Variants in FAT3 observed in about 807,000 individuals in gnomAD.
FAT3 encodes the protein FAT atypical cadherin 3, also known as protocadherin Fat 3.
A neutral mutation model predicts 310.2 loss-of-function variants in FAT3; 95 were observed. That is an observed-to-expected ratio of 0.31 (90% CI 0.26 to 0.36). The LOEUF (loss-of-function observed/expected upper bound fraction) is 0.36, where lower values mean the gene tolerates loss of function less well. FAT3 is among the 10% of genes least tolerant of loss of function. FAT3 has a pLI of 1.00. For missense variants in FAT3, 5,408 were observed against 5,715.6 expected (o/e 0.95, Z 1.74); for synonymous variants, 2,314 against 2,192.9 (o/e 1.06, Z -1.54).
In FAT3 at chr11:92,524,819, A is replaced by G. The variant is rs1953802592; in HGVS notation, c.3478A>G (p.Asn1160Asp). The G allele has an allele frequency of 6.2e-7, 1 of 1,613,698 alleles. No homozygotes were observed. Residue 1160 changes from asparagine to aspartate, a missense_variant, in exon 3 of 28, where the codon AAC becomes GAC. Physicochemically the swap from Asn to Asp is conservative, Grantham distance 23. This residue lies in a region of FAT3 where 4,588 missense variants were observed against 4,809.8 expected (regional missense o/e 0.95). Coordinates refer to ENST00000525166, the MANE Select transcript of FAT3 (RefSeq NM_001367949.2). ...EPIYYPVVME[N>D]SPKDVSVIQI... Reference sequence around the variant, plus strand: ...TATATATTATCCTGTTGTCATGGAAAACTCTCCAAAGGACGTATCTGTCAT... The same window carrying G: ...TATATATTATCCTGTTGTCATGGAAGACTCTCCAAAGGACGTATCTGTCAT...
At chr11:92,381,749 C>T (rs896721763) in intron 2 of FAT3, among the ~76,000 whole-genome samples, 4 of 151,934 alleles carry the variant, frequency 2.6e-5, no homozygotes, top group African/African-American at 9.7e-5. Flanking sequence ...ATTATATTAA[C>T]AGTCCAGGAA....
intron 2 of FAT3, among the ~76,000 whole-genome samples, chr11:92,432,136 A>AATCC (rs1950799455): frequency 6.6e-6 from 1 of 152,120 alleles, no homozygotes; most frequent in Non-Finnish European, 1.5e-5. Flanking sequence ...ATGAGCATGG[A>AATCC]ATGTTCTTCC....
chr11:92,597,140 T>C (rs1247169603), intron 3 of FAT3, among the ~76,000 whole-genome samples: 1 of 152,238 alleles, frequency 6.6e-6, no homozygotes, highest in African/African-American at 2.4e-5. Context: ...GGTCATATTC[T>C]GGTTGGAAAC....
At chr11:92,433,375 G>A (rs970700999) in intron 2 of FAT3, among the ~76,000 whole-genome samples, 6 of 152,168 alleles carry the variant, frequency 3.9e-5, no homozygotes, top group African/African-American at 1.4e-4. Flanking sequence ...GGCACCCAAG[G>A]GAACCTCCTG....
chr11:92,548,610 A>G (rs1408035952), intron 3 of FAT3, among the ~76,000 whole-genome samples: 4 of 152,194 alleles, frequency 2.6e-5, no homozygotes, highest in African/African-American at 9.7e-5. Flanking sequence ...GCATTTTGTA[A>G]TTTTAAAAAT....
At chr11:92,686,050 A>G (rs970763574) in intron 3 of FAT3, among the ~76,000 whole-genome samples, 6 of 152,188 alleles carry the variant, frequency 3.9e-5, no homozygotes, top group African/African-American at 1.4e-4. Context: ...TTACAGAGGA[A>G]GAAACTGAGG....
intron 1 of FAT3, among the ~76,000 whole-genome samples, chr11:92,249,971 G>T (rs561518011): frequency 4.8e-4 from 73 of 152,188 alleles, no homozygotes; most frequent in Middle Eastern, 3.4e-3. Context: ...GTCATAAAGT[G>T]CTTCCCTGTG....
intron 19 of FAT3, among the ~76,000 whole-genome samples, chr11:92,854,914 T>C (rs929450876): frequency 6.6e-6 from 1 of 152,232 alleles, no homozygotes; most frequent in Non-Finnish European, 1.5e-5. Flanking sequence ...GGAAAGGGCA[T>C]GTCCACAGAA....
chr11:92,818,570 G>A (rs1470980914), intron 13 of FAT3, among the ~76,000 whole-genome samples: 1 of 152,092 alleles, frequency 6.6e-6, no homozygotes, highest in African/African-American at 2.4e-5. Context: ...CAGGTCACAG[G>A]GATATCCCCA....
intron 1 of FAT3, among the ~76,000 whole-genome samples, chr11:92,228,847 T>C (rs1210233196): frequency 1.3e-5 from 2 of 151,924 alleles, no homozygotes; most frequent in Admixed American, 6.6e-5. Flanking sequence ...GGATATTTGA[T>C]TTTTTTTTCC....
intron 2 of FAT3, among the ~76,000 whole-genome samples, chr11:92,395,857 G>A (rs890603983): frequency 1.2e-4 from 19 of 152,100 alleles, no homozygotes; most frequent in African/African-American, 4.6e-4. Flanking sequence ...GGGATTACAG[G>A]CATCAGCCAC....
chr11:92,598,513 C>T (rs911234565), intron 3 of FAT3, among the ~76,000 whole-genome samples: 2 of 152,084 alleles, frequency 1.3e-5, no homozygotes, highest in African/African-American at 4.8e-5. Context: ...TGCCCAGCTT[C>T]CACAGAGTTT....
chr11:92,853,484 T>A (rs905174350), intron 19 of FAT3, among the ~76,000 whole-genome samples: 2 of 151,930 alleles, frequency 1.3e-5, no homozygotes, highest in African/African-American at 4.8e-5. Context: ...GCAGGGGAGG[T>A]GTTTTTCAGC....
At chr11:92,435,675 A>G (rs1213133730) in intron 2 of FAT3, among the ~76,000 whole-genome samples, 1 of 149,186 alleles carries the variant, frequency 6.7e-6, no homozygotes, top group Non-Finnish European at 1.5e-5. Flanking sequence ...AGCAATTCTC[A>G]TGCCTCAGCC....
intron 3 of FAT3, among the ~76,000 whole-genome samples, chr11:92,639,556 G>T (rs1403584121): frequency 6.6e-6 from 1 of 152,012 alleles, no homozygotes; most frequent in African/African-American, 2.4e-5. Context: ...TACCTGGCCT[G>T]CCCACTTTGC....
intron 3 of FAT3, among the ~76,000 whole-genome samples, chr11:92,655,311 T>C (rs1378028738): frequency 6.6e-6 from 1 of 152,198 alleles, no homozygotes; most frequent in Non-Finnish European, 1.5e-5. Context: ...TGATACACTC[T>C]GTATTTCCAG....
At chr11:92,298,300 C>G (rs1946901671) in intron 1 of FAT3, among the ~76,000 whole-genome samples, 1 of 152,066 alleles carries the variant, frequency 6.6e-6, no homozygotes, top group Non-Finnish European at 1.5e-5. Flanking sequence ...TAAGGAATGA[C>G]TCTGTGCATA....
intron 22 of FAT3, among the ~76,000 whole-genome samples, chr11:92,876,783 T>C (rs1949545043): frequency 6.6e-6 from 1 of 152,252 alleles, no homozygotes; most frequent in Non-Finnish European, 1.5e-5. Flanking sequence ...TAATGGGTAT[T>C]CAGCAAAACA....
chr11:92,689,782 C>T (rs1943744533), intron 3 of FAT3, among the ~76,000 whole-genome samples: 1 of 152,280 alleles, frequency 6.6e-6, no homozygotes, highest in African/African-American at 2.4e-5. Context: ...GGCAAGACCA[C>T]TGGGTACAGG....
Sources: gnomAD v4.1 joint callset for allele counts (sites outside exome capture counted in the v4.1 genomes callset) on GRCh38, gnomAD v4.1.1 for gene constraint, gnomAD v4.1.1 regional missense constraint, MANE v1.5 for transcripts, NCBI Gene and HGNC (gene_info 2026-07-23, HGNC 2026-07-21) for gene names.